The following TTN variants were observed in gnomAD, a reference collection of about 807,000 sequenced individuals.
The protein encoded by TTN is connectin.
TTN carries 1,525 observed loss-of-function variants against 3,223.0 expected under a neutral mutation model. The ratio of observed to expected loss-of-function variants is 0.47; its 90% CI spans 0.45 to 0.49. The LOEUF (loss-of-function observed/expected upper bound fraction) is 0.49, where lower values mean the gene tolerates loss of function less well. Ranked by LOEUF, TTN falls within the 20% of genes least tolerant of loss-of-function variation. The pLI is 0.00. For missense variants in TTN, 40,786 were observed against 43,424.0 expected (o/e 0.94, Z 5.40); for synonymous variants, 14,094 against 15,161.0 (o/e 0.93, Z 5.17).
chr2:178,562,495 T>A lies in TTN; in HGVS notation c.83637A>T (p.Thr27879=). Residue 27879 remains threonine, a synonymous_variant, in exon 326 of 363, where the codon ACA becomes ACT. Coordinates refer to ENST00000589042, the MANE Select transcript of TTN (RefSeq NM_001267550.2). ...RVTLVDVTRN[T]ATIKWEKPES... is the part of the protein sequence containing the mutation. The stretch of plus-strand genomic sequence containing the variant: ...CTGGTTTCTCCCACTTAATTGTAGC[T>A]GTATTACGGGTCACATCAACAAGAG... The A allele has an allele frequency of 6.2e-7, 1 of 1,613,180 alleles. No individual in the cohort carries two copies. The highest frequency in any genetic ancestry group is 8.5e-7 in the Non-Finnish European group (1 of 1,179,600).
rs145198325 is a variant in TTN, at chr2:178,593,676, A to G, written c.58624T>C (p.Ser19542Pro). The change falls in exon 298 of 363, where the codon TCT becomes CCT. Residue 19542 changes from serine (S) to proline (P), a missense_variant. Transcript: ENST00000589042. ...SASAKTTCKVSKLLEGKDYIF... is the reference protein window; with the variant it reads ...SASAKTTCKVPKLLEGKDYIF... The stretch of plus-strand genomic sequence containing the variant: ...TAATCTTTTCCTTCAAGTAGTTTAG[A>G]AACTTTGCATGTTGTTTTAGCACTT... The G allele has an allele frequency of 2.0e-5, 32 of 1,613,320 alleles. No homozygotes were observed. In the African/African-American group the frequency reaches 3.6e-4, roughly 18 times the overall value.
At position 178,777,324 on chromosome 2, in the gene TTN, G is replaced by A; in HGVS notation, c.4646-7C>T. ...TTTACCTGATGTTCCACAGCTGAAA[G>A]AGAAAGGTCATGATTTAGAGGGAGT... On this transcript the variant is annotated splice_region_variant and splice_polypyrimidine_tract_variant and intron_variant, in intron 26 of 362. Coordinates refer to ENST00000589042, the MANE Select transcript of TTN (RefSeq NM_001267550.2). 1 of 1,613,724 alleles carries A rather than the reference G, an allele frequency of 6.2e-7. No individual in the cohort carries two copies. Among genetic ancestry groups the A allele is most frequent in the Non-Finnish European group, 8.5e-7 (1 of 1,179,918 alleles).
In TTN at chr2:178,771,446, T is replaced by C. The variant is rs73973146; in HGVS notation, c.7881A>G (p.Thr2627=). 1.2e-5 allele frequency: 19 copies of C among 1,613,956 alleles called. No individual in the cohort carries two copies. The African/African-American group carries it at 2.5e-4, about 22-fold the overall frequency. Residue 2627 remains threonine, a synonymous_variant, in exon 34 of 363, where the codon ACA becomes ACG. Transcript: ENST00000589042. ...VAGGAISKPL[T]DQTVAESQEA... The stretch of plus-strand genomic sequence containing the variant: ...CCTGGGATTCAGCTACGGTCTGATC[T>C]GTGAGTGGCTTGGAGATGGCCCCAC...
In TTN at chr2:178,562,526, C is replaced by A; in HGVS notation, c.83606G>T (p.Arg27869Ile). Residue 27869 changes from arginine to isoleucine, a missense_variant, in exon 326 of 363, where the codon AGA (arginine) becomes ATA (isoleucine). Coordinates refer to ENST00000589042, the MANE Select transcript of TTN (RefSeq NM_001267550.2). ...ACGGGTCACATCAACAAGAGTTACTCTTCCAGGTGGGAGGGGTGGTTCAGA... is the reference window on the plus strand; with the variant it reads ...ACGGGTCACATCAACAAGAGTTACTATTCCAGGTGGGAGGGGTGGTTCAGA... ...KVSEPPLPPG[R>I]VTLVDVTRNT... 6.2e-7 allele frequency: 1 copy of A among 1,610,854 alleles called. No homozygotes were observed. The highest frequency in any genetic ancestry group is 8.5e-7 in the Non-Finnish European group (1 of 1,178,864).
At chr2:178,545,033 G>C (rs1696394383) in intron 344 of TTN, among the ~76,000 whole-genome samples, 1 of 152,132 alleles carries the variant, frequency 6.6e-6, no homozygotes, top group African/African-American at 2.4e-5. Context: ...GAAACTGTAT[G>C]TTCCTGCTAA....
intron 71 of TTN, 56 bp downstream of exon 71, chr2:178,725,312 T>G: frequency 7.1e-7 from 1 of 1,414,678 alleles, no homozygotes; most frequent in Non-Finnish European, 9.3e-7. Flanking sequence ...CCAGTAACTC[T>G]TAGTAATTCA....
Position 178,528,633 on chromosome 2 carries a change from T to C in TTN, c.107118A>G (p.Ser35706=), listed in dbSNP as rs1477953539. 1 of 1,612,516 alleles carries C rather than the reference T, an allele frequency of 6.2e-7. No homozygotes were observed. Among genetic ancestry groups the C allele is most frequent in the Admixed American group, 1.7e-5 (1 of 59,842 alleles). ...KELSDAPAFI[S]QPRSQNINEG... is the part of the protein sequence containing the mutation. Reference sequence around the variant, plus strand: ...CATTAATATTTTGAGATCTAGGCTGTGAGATGAAGGCTGGAGCATCTGAGA... The same window carrying C: ...CATTAATATTTTGAGATCTAGGCTGCGAGATGAAGGCTGGAGCATCTGAGA... The change falls in exon 360 of 363, where the codon TCA becomes TCG. Residue 35706 remains serine (S), a synonymous_variant. Coordinates refer to ENST00000589042, the MANE Select transcript of TTN (RefSeq NM_001267550.2).
In TTN at chr2:178,617,140, A is replaced by G; in HGVS notation, c.47855T>C (p.Leu15952Pro). 1 of 1,609,032 alleles carries G rather than the reference A, an allele frequency of 6.2e-7. No homozygotes were observed. Among genetic ancestry groups the G allele is most frequent in the South Asian group, 1.1e-5 (1 of 90,392 alleles). Residue 15952 changes from leucine (L) to proline (P), a missense_variant, in exon 255 of 363, where the codon CTC (leucine) becomes CCC (proline). Transcript: ENST00000589042. Reference sequence around the variant, plus strand: ...TTTACCAAATGCATCGTCAGCGGTGAGAGGACCAAGAATTTCAGATGGATC... The same window carrying G: ...TTTACCAAATGCATCGTCAGCGGTGGGAGGACCAAGAATTTCAGATGGATC... ...VSDPSEILGP[L>P]TADDAFVEPT...
At position 178,731,179 on chromosome 2, in the gene TTN, G is replaced by A; in HGVS notation, c.17486C>T (p.Ala5829Val). Residue 5829 changes from alanine (A) to valine (V), a missense_variant, in exon 60 of 363, where the codon GCT (alanine) becomes GTT (valine). Transcript: ENST00000589042. ...TCCTTGGGTGACATCTATAGACACA[G>A]CTTCCTCGGTGATTGTTGCAGGTTC... ...VKEPATITEE[A>V]VSIDVTQGDP... 6.2e-7 allele frequency: 1 copy of A among 1,613,336 alleles called. No individual in the cohort carries two copies. The highest frequency in any genetic ancestry group is 8.5e-7 in the Non-Finnish European group (1 of 1,179,490).
Position 178,568,578 on chromosome 2 carries a change from G to T in TTN, c.77554C>A (p.Leu25852Ile). Residue 25852 changes from leucine to isoleucine, a missense_variant, in exon 326 of 363, where the codon CTC (leucine) becomes ATC (isoleucine). Transcript: ENST00000589042. Reference sequence around the variant, plus strand: ...GTTTCTTTAATACTGAGTGTGGTGAGATCCAGTGAATCGGTAACATTGATT... The same window carrying T: ...GTTTCTTTAATACTGAGTGTGGTGATATCCAGTGAATCGGTAACATTGATT... ...TRINVTDSLDLTTLSIKETHK... is the reference protein window; with the variant it reads ...TRINVTDSLDITTLSIKETHK... 1 of 1,613,466 alleles carries T rather than the reference G, an allele frequency of 6.2e-7. No homozygotes were observed. Among genetic ancestry groups the T allele is most frequent in the East Asian group, 2.2e-5 (1 of 44,830 alleles).
At chr2:178,594,713 T>G in intron 295 of TTN, 67 bp from the exon 296 acceptor site, 2 of 1,286,486 alleles carry the variant, frequency 1.6e-6, no homozygotes, top group South Asian at 3.1e-5. Flanking sequence ...TAGGATGTAG[T>G]GAATATTCCT....
Position 178,723,614 on chromosome 2 carries a change from TC to T in TTN, c.21485del (p.Gly7162GlufsTer16), listed in dbSNP as rs753799089. On this transcript the variant is annotated frameshift_variant, in exon 74 of 363. Coordinates refer to ENST00000589042, the MANE Select transcript of TTN (RefSeq NM_001267550.2). LOFTEE classifies it high-confidence loss of function. The stretch of plus-strand genomic sequence containing the variant: ...ACCAGTTGACTTTGAATGGAGGGGT[TC>T]CTCTAATAACGCTTGTGAAGGTTAC... Reference protein sequence around the residue: ...KNVTFTSVIRGTPPFKVNWFR... With the variant: ...KNVTFTSVIRXTPPFKVNWFR... The T allele has an allele frequency of 6.2e-7, 1 of 1,613,080 alleles. No homozygotes were observed. Among genetic ancestry groups the T allele is most frequent in the Non-Finnish European group, 8.5e-7 (1 of 1,179,494 alleles).
chr2:178,634,605 G>A lies in TTN; in HGVS notation c.42176C>T (p.Pro14059Leu), dbSNP rs1173536699. ...VKEIELDFAV[P>L]LKDVTVPERR... ...TTCTGGAACAGTGACATCCTTCAGG[G>A]GCACAGCAAAGTCAAGTTCGATTTC... Residue 14059 changes from proline (P) to leucine (L), a missense_variant, in exon 230 of 363, where the codon CCC becomes CTC. Physicochemically the swap from Pro to Leu is moderately conservative, Grantham distance 98. Transcript: ENST00000589042. The surrounding 1 kb of genome is among the most constrained non-coding windows in gnomAD (Gnocchi z 4.6). 1 of 1,613,008 alleles carries A rather than the reference G, an allele frequency of 6.2e-7. No individual in the cohort carries two copies. Among genetic ancestry groups the A allele is most frequent in the East Asian group, 2.2e-5 (1 of 44,824 alleles).
chr2:178,749,136 T>C, intron 47 of TTN: 3 of 1,612,748 alleles, frequency 1.9e-6, no homozygotes, highest in African/African-American at 1.3e-5. Flanking sequence ...TCAGAGTGAA[T>C]ATTTGGTAAA....
intron 110 of TTN, 80 bp downstream of exon 110, chr2:178,701,448 G>A (rs2154289216): frequency 5.6e-6 from 8 of 1,429,000 alleles, no homozygotes; most frequent in East Asian, 2.3e-5. Context: ...CAGTTTGGTC[G>A]CTGGTATAAA....
At chr2:178,805,605 T>C (rs1275077896) in intron 1 of TTN, among the ~76,000 whole-genome samples, 1 of 152,180 alleles carries the variant, frequency 6.6e-6, no homozygotes, top group Non-Finnish European at 1.5e-5. Context: ...CATACGGTGC[T>C]TTCTATTTCT....
rs1060503952 is a variant in TTN at position 178,527,567 on chromosome 2, G to C, written c.107559C>G (p.Ala35853=). Residue 35853 remains alanine (A), a synonymous_variant, in exon 362 of 363, where the codon GCC becomes GCG. Coordinates refer to ENST00000589042, the MANE Select transcript of TTN (RefSeq NM_001267550.2). ...MTEMKFASMS[A]QSMSSMQESF... ...ACTCTTGCATGGAGGACATGCTTTG[G>C]GCAGACATGCTTGCAAATTTCATCT... The C allele has an allele frequency of 6.2e-7, 1 of 1,613,950 alleles. No individual in the cohort carries two copies. The highest frequency in any genetic ancestry group is 1.7e-5 in the Admixed American group (1 of 60,024).
rs1038047494 is a variant in TTN, at chr2:178,757,165, T to C, written c.10679-368A>G. On this transcript the variant is annotated intron_variant, in intron 45 of 362. Transcript: ENST00000589042. ...CACTGTATGCTTTAAGTACAGTAAGTAATACTGTACTTACTTTAAGTACAG... is the reference window on the plus strand; with the variant it reads ...CACTGTATGCTTTAAGTACAGTAAGCAATACTGTACTTACTTTAAGTACAG... 6.7e-4 allele frequency among the ~76,000 whole-genome samples: 102 copies of C among 151,444 alleles called. 2 individuals are homozygous for C. In the South Asian group the frequency reaches 7.4e-3, roughly 11 times the overall value.
At position 178,570,613 on chromosome 2, in the gene TTN, A is replaced by G. The variant is rs1707836839; in HGVS notation, c.75519T>C (p.Asp25173=). Residue 25173 remains aspartate (D), a synonymous_variant, in exon 326 of 363, where the codon GAT becomes GAC. Transcript: ENST00000589042. ...AATTTCCACTGTCGACACGTACTGC[A>G]TCTTTTACACTGAGACTGGTGGCAA... ...TDFATSLSVK[D]AVRVDSGNYI... is the part of the protein sequence containing the mutation. 1.2e-6 allele frequency: 2 copies of G among 1,613,338 alleles called. No homozygotes were observed. Among genetic ancestry groups the G allele is most frequent in the Non-Finnish European group, 1.7e-6 (2 of 1,179,640 alleles).
Sources: gnomAD v4.1 joint callset for allele counts (sites outside exome capture counted in the v4.1 genomes callset) on GRCh38, gnomAD v4.1.1 for gene constraint, Gnocchi (gnomAD v3.1) non-coding constraint, MANE v1.5 for transcripts, NCBI Gene and HGNC (gene_info 2026-07-23, HGNC 2026-07-21) for gene names.